ZNF623: variants seen among roughly 807,000 people sequenced by gnomAD.
ZNF623 encodes zinc finger protein 623.
In ZNF623, 16 loss-of-function variants were observed where a neutral mutation model predicts 24.0. The ratio of observed to expected loss-of-function variants is 0.67; its 90% CI spans 0.45 to 1.01. The LOEUF (loss-of-function observed/expected upper bound fraction) is 1.01. Among genes scored for constraint, ZNF623 ranks in the 50% least tolerant of loss-of-function variants. ZNF623 has a pLI of 0.00. For synonymous variants in ZNF623, 224 were observed against 219.8 expected, an observed-to-expected ratio of 1.02 and a Z score of -0.17; for missense variants, 566 against 606.5, an observed-to-expected ratio of 0.93 and a Z score of 0.70.
intron 1 of ZNF623, among the ~76,000 whole-genome samples, chr8:143,645,642 A>G (rs1428148150): frequency 2.0e-5 from 3 of 152,154 alleles, no homozygotes; most frequent in Non-Finnish European, 4.4e-5. Flanking sequence ...TGGGAGCACC[A>G]TGTGTGGAGT....
chr8:143,646,149 C>G (rs1463108377), intron 1 of ZNF623, among the ~76,000 whole-genome samples: 1 of 152,064 alleles, frequency 6.6e-6, no homozygotes, highest in South Asian at 2.1e-4. Flanking sequence ...TCAAGTGATC[C>G]TCCTGACTTA....
At chr8:143,648,995 T>C (rs1346618501) in intron 1 of ZNF623, among the ~76,000 whole-genome samples, 2 of 152,046 alleles carry the variant, frequency 1.3e-5, no homozygotes, top group African/African-American at 4.8e-5. Context: ...CTCAGTCAGC[T>C]GGCTGGATGT....
chr8:143,638,884 C>T (rs1259418132), intron 1 of ZNF623, among the ~76,000 whole-genome samples: 2 of 150,644 alleles, frequency 1.3e-5, no homozygotes, highest in Non-Finnish European at 3.0e-5. Flanking sequence ...CATCTCCACC[C>T]CACCGTTCTC....
In ZNF623 at chr8:143,650,060, CAGA is replaced by C; in HGVS notation, c.71_73del (p.Glu24del). The C allele has an allele frequency of 6.2e-7, 1 of 1,614,048 alleles. No individual in the cohort carries two copies. The highest frequency in any genetic ancestry group is 1.7e-5 in the Admixed American group (1 of 60,006). ...AGATTAGGGGAGCTCTTGGGAAATC[CAGA>C]AGGTCAGAGCCTGGGGAGTTCCCCC... On this transcript the variant is annotated inframe_deletion, in exon 2 of 2. Transcript: ENST00000526926. This position sits in a 1 kb window ranked among gnomAD's most constrained non-coding sequence, Gnocchi z 5.2.
chr8:143,650,792 T>G lies in ZNF623; in HGVS notation c.800T>G (p.Ile267Ser). 1 of 1,614,206 alleles carries G rather than the reference T, an allele frequency of 6.2e-7. No individual in the cohort carries two copies. Among genetic ancestry groups the G allele is most frequent in the South Asian group, 1.1e-5 (1 of 91,082 alleles). ...GKAFRHRSDLIEHQRIHTGER... is the reference protein window; with the variant it reads ...GKAFRHRSDLSEHQRIHTGER... ...GCATTCCGTCATCGCTCAGACCTTA[T>G]TGAACACCAGAGAATTCACACCGGA... The change falls in exon 2 of 2, where the codon ATT (isoleucine) becomes AGT (serine). Residue 267 changes from isoleucine to serine, a missense_variant. Ile to Ser is a moderately radical substitution (Grantham distance 142). Transcript: ENST00000526926. The surrounding 1 kb of genome is among the most constrained non-coding windows in gnomAD (Gnocchi z 5.2).
intron 1 of ZNF623, among the ~76,000 whole-genome samples, chr8:143,639,079 A>G (rs1046130626): frequency 4.0e-5 from 6 of 151,898 alleles, no homozygotes; most frequent in Admixed American, 1.3e-4. Flanking sequence ...TTTAGTAGAG[A>G]TGGGGTTTTA....
At chr8:143,646,196 C>T (rs574569001) in intron 1 of ZNF623, among the ~76,000 whole-genome samples, 1 of 152,190 alleles carries the variant, frequency 6.6e-6, no homozygotes, top group South Asian at 2.1e-4. Context: ...TATGCAACAT[C>T]ACACCCAGCT....
In ZNF623 at chr8:143,647,442, G is replaced by A. The variant is rs184317981; in HGVS notation, c.-95-2456G>A. On this transcript the variant is annotated intron_variant, in intron 1 of 1. Transcript: ENST00000526926. The stretch of plus-strand genomic sequence containing the variant: ...CTCCCAAAGTGCTGGGATTACAGGC[G>A]TGAGCCACCATGCCCAGCCAGCCTT... Among the ~76,000 whole-genome samples, 38 of 152,356 alleles carry A rather than the reference G, an allele frequency of 2.5e-4. No homozygotes were observed. The East Asian group carries it at 6.4e-3, about 26-fold the overall frequency.
At position 143,651,246 on chromosome 8, in the gene ZNF623, C is replaced by T. The variant is rs146034913; in HGVS notation, c.1254C>T (p.Pro418=). ...LHQIIHTGEK[P]YVCSYCGKGF... ...AGATTATTCACACTGGAGAAAAGCC[C>T]TATGTGTGCAGTTATTGTGGGAAAG... The change falls in exon 2 of 2, where the codon CCC becomes CCT. Residue 418 remains proline, a synonymous_variant. Transcript: ENST00000526926. The T allele has an allele frequency of 3.1e-6, 5 of 1,614,014 alleles. No homozygotes were observed. In the African/African-American group the frequency reaches 6.7e-5, roughly 22 times the overall value.
intron 1 of ZNF623, among the ~76,000 whole-genome samples, chr8:143,637,709 C>G (rs932438604): frequency 1.3e-5 from 2 of 152,160 alleles, no homozygotes; most frequent in African/African-American, 4.8e-5. Context: ...GGCACCACGT[C>G]CGGCTAATTT....
rs1563702133 is a variant in ZNF623, at chr8:143,650,437, A to G, written c.445A>G (p.Ile149Val). ...YVCNVCGKDF[I>V]HYSGLIEHQR... The stretch of plus-strand genomic sequence containing the variant: ...CTGTAATGTGTGTGGGAAAGACTTC[A>G]TTCACTATTCAGGTCTCATTGAGCA... The change falls in exon 2 of 2, where the codon ATT (isoleucine) becomes GTT (valine). Residue 149 changes from isoleucine to valine, a missense_variant. Around this residue, in one of 3 missense-constraint regions of ZNF623, gnomAD observed 313 missense variants for 300.4 expected, o/e 1.04. Coordinates refer to ENST00000526926, the MANE Select transcript of ZNF623 (RefSeq NM_001261843.2). The surrounding 1 kb of genome is among the most constrained non-coding windows in gnomAD (Gnocchi z 5.2). The G allele has an allele frequency of 1.2e-6, 2 of 1,613,988 alleles. No individual in the cohort carries two copies. The highest frequency in any genetic ancestry group is 1.7e-6 in the Non-Finnish European group (2 of 1,179,994).
intron 1 of ZNF623, 138 bp from the exon 2 acceptor site, chr8:143,649,760 G>A: frequency 9.3e-7 from 1 of 1,072,452 alleles, no homozygotes; most frequent in South Asian, 1.6e-5. Flanking sequence ...AGAGCTGTGG[G>A]TAGCAGCATG....
At position 143,651,657 on chromosome 8, in the gene ZNF623, T is replaced by C. The variant is rs1273241902; in HGVS notation, c.*174T>C. 4 of 678,290 alleles carry C rather than the reference T, an allele frequency of 5.9e-6. No homozygotes were observed. Among genetic ancestry groups the C allele is most frequent in the Non-Finnish European group, 9.9e-6 (4 of 402,420 alleles). The allele number at this position is 678,290 out of a possible 1,614,324, so 42.0% of individuals were successfully genotyped here. A position where few individuals can be genotyped will look rare whatever the true frequency, so the allele number is the denominator to read the frequency against. ...ACTCGGCTCAGCCCTTCTCCTCAGC[T>C]GTGAGCACTGTCCTCAGGAGAGTCA... On this transcript the variant is annotated 3_prime_UTR_variant, in exon 2 of 2. Transcript: ENST00000526926.
chr8:143,652,851 T>C lies in ZNF623; in HGVS notation c.*1368T>C, dbSNP rs1815370645. On this transcript the variant is annotated 3_prime_UTR_variant, in exon 2 of 2. Coordinates refer to ENST00000526926, the MANE Select transcript of ZNF623 (RefSeq NM_001261843.2). ...TGTCATTTCAAAATGTATTGATATC[T>C]ATAAGGAATAGTCCTCAATGTTGGG... The C allele has an allele frequency of 6.0e-6, 1 of 167,094 alleles. No homozygotes were observed. The highest frequency in any genetic ancestry group is 2.4e-5 in the African/African-American group (1 of 41,446). 10.4% of individuals were successfully genotyped at this position (167,094 alleles called of 1,614,324 possible). A position where few individuals can be genotyped will look rare whatever the true frequency, so the allele number is the denominator to read the frequency against.
chr8:143,644,833 A>C (rs1412896497), intron 1 of ZNF623, among the ~76,000 whole-genome samples: 2 of 149,434 alleles, frequency 1.3e-5, no homozygotes. Flanking sequence ...TATCTTTAAA[A>C]AAAAAAAAAA....
rs564702988 is a variant in ZNF623, at chr8:143,646,156, CTT to C, written c.-95-3741_-95-3740del. Among the ~76,000 whole-genome samples, 215 of 152,234 alleles carry C rather than the reference CTT, an allele frequency of 1.4e-3. 1 individual carries two copies. Among genetic ancestry groups the C allele is most frequent in the Admixed American group, 2.4e-3 (37 of 15,274 alleles). On this transcript the variant is annotated intron_variant, in intron 1 of 1. Coordinates refer to ENST00000526926, the MANE Select transcript of ZNF623 (RefSeq NM_001261843.2). ...CTCTGGGCTCAAGTGATCCTCCTGA[CTT>C]AGCCTCCCAAATAGCTGGGACCACA...
Position 143,640,094 on chromosome 8 carries a change from C to G in ZNF623, c.-96+3949C>G, listed in dbSNP as rs559769094. Among the ~76,000 whole-genome samples, 58 of 152,276 alleles carry G rather than the reference C, an allele frequency of 3.8e-4. 1 individual carries two copies. The highest frequency in any genetic ancestry group is 3.6e-3 in the Admixed American group (55 of 15,292). On this transcript the variant is annotated intron_variant, in intron 1 of 1. Transcript: ENST00000526926. Reference sequence around the variant, plus strand: ...CACATGGGGATGTGCCAGTGTGGGTCCAGACCACTGCAATAAAGTGAATAG... The same window carrying G: ...CACATGGGGATGTGCCAGTGTGGGTGCAGACCACTGCAATAAAGTGAATAG...
chr8:143,651,644 C>T lies in ZNF623; in HGVS notation c.*161C>T, dbSNP rs1815325815. The T allele has an allele frequency of 1.3e-6, 1 of 762,682 alleles. No homozygotes were observed. 47.2% of individuals were successfully genotyped at this position (762,682 alleles called of 1,614,324 possible). ...ACTGTGCAGCCCTACTCGGCTCAGC[C>T]CTTCTCCTCAGCTGTGAGCACTGTC... On this transcript the variant is annotated 3_prime_UTR_variant, in exon 2 of 2. Transcript: ENST00000526926.
In ZNF623 at chr8:143,650,711, G is replaced by A; in HGVS notation, c.719G>A (p.Arg240His). The A allele has an allele frequency of 3.1e-6, 5 of 1,613,834 alleles. No homozygotes were observed. The highest frequency in any genetic ancestry group is 1.7e-5 in the Admixed American group (1 of 59,992). Residue 240 changes from arginine to histidine, a missense_variant, in exon 2 of 2, where the codon CGC (arginine) becomes CAC (histidine). Around this residue, in one of 3 missense-constraint regions of ZNF623, gnomAD observed 313 missense variants for 300.4 expected, o/e 1.04. Transcript: ENST00000526926. The surrounding 1 kb of genome is among the most constrained non-coding windows in gnomAD (Gnocchi z 5.2). ...TTCATAAGGAGCTCGAGCCTCATTC[G>A]CCATTATCAGATCCACACAGAAGTG... ...KSFIRSSSLIRHYQIHTEVKQ... is the reference protein window; with the variant it reads ...KSFIRSSSLIHHYQIHTEVKQ...
Sources: allele counts gnomAD v4.1 joint callset (sites outside exome capture counted in the v4.1 genomes callset), GRCh38; gene constraint gnomAD v4.1.1; regional missense constraint gnomAD v4.1.1; non-coding constraint Gnocchi (gnomAD v3.1); transcripts MANE v1.5; gene names NCBI Gene and HGNC (gene_info 2026-07-23, HGNC 2026-07-21).